ADGRL2: variants seen among roughly 807,000 people sequenced by gnomAD.
ADGRL2 encodes the protein calcium-independent alpha-latrotoxin receptor 2.
In ADGRL2, 44 loss-of-function variants were observed where a neutral mutation model predicts 157.4. The ratio of observed to expected loss-of-function variants is 0.28; its 90% CI spans 0.22 to 0.36. ADGRL2 has a LOEUF of 0.36. Ranked by LOEUF, ADGRL2 falls within the 10% of genes least tolerant of loss-of-function variation. The pLI is 1.00. For synonymous variants in ADGRL2, 585 were observed against 624.7 expected, an observed-to-expected ratio of 0.94 and a Z score of 0.95; for missense variants, 1,510 against 1,768.9, an observed-to-expected ratio of 0.85 and a Z score of 2.63.
At chr1:81,828,544 C>G (rs188469260) in intron 1 of ADGRL2, among the ~76,000 whole-genome samples, 118 of 152,202 alleles carry the variant, frequency 7.8e-4, no homozygotes, top group Admixed American at 6.0e-3. Flanking sequence ...TCTGTTACCA[C>G]ATGAAGGACT....
At chr1:81,314,987 C>G (rs1165593463) in intron 1 of ADGRL2, among the ~76,000 whole-genome samples, 1 of 152,188 alleles carries the variant, frequency 6.6e-6, no homozygotes, top group Non-Finnish European at 1.5e-5. Flanking sequence ...ACTCTTCCAA[C>G]CAACCATTTG....
chr1:81,325,099 T>C (rs770668763), intron 1 of ADGRL2, among the ~76,000 whole-genome samples: 1 of 152,184 alleles, frequency 6.6e-6, no homozygotes, highest in Non-Finnish European at 1.5e-5. Flanking sequence ...TTATATTATT[T>C]GAGTGAATAT....
At chr1:81,501,991 C>A in intron 2 of ADGRL2, 1 of 1,611,254 alleles carries the variant, frequency 6.2e-7, no homozygotes. Flanking sequence ...GTCCCTTAGC[C>A]AGAGTTCCAC....
intron 13 of ADGRL2, among the ~76,000 whole-genome samples, chr1:81,967,577 A>G (rs1439103035): frequency 6.6e-6 from 1 of 152,094 alleles, no homozygotes; most frequent in Non-Finnish European, 1.5e-5. Flanking sequence ...ATTGACTCTT[A>G]AGAGCTTGTA....
In ADGRL2 at chr1:81,502,898, G is replaced by A. The variant is rs545376765; in HGVS notation, c.-248+57809G>A. 328 of 1,613,512 alleles carry A rather than the reference G, an allele frequency of 2.0e-4. 2 individuals carry two copies. Among genetic ancestry groups the A allele is most frequent in the Middle Eastern group, 1.9e-3 (11 of 5,846 alleles). On this transcript the variant is annotated intron_variant, in intron 2 of 24. Coordinates refer to the ADGRL2 transcript ENST00000370721. ...CCCATCCTTGGGCTTGGCTCCAGCA[G>A]TGGCACCAATACCAGTAGCCCTCGA...
chr1:81,815,353 G>GCT (rs1038809237), intron 1 of ADGRL2, among the ~76,000 whole-genome samples: 4 of 151,770 alleles, frequency 2.6e-5, no homozygotes, highest in African/African-American at 4.8e-5. Context: ...AGAGCATCAT[G>GCT]CTGTGTTATC....
intron 2 of ADGRL2, among the ~76,000 whole-genome samples, chr1:81,455,778 G>A (rs917467673): frequency 6.6e-6 from 1 of 152,076 alleles, no homozygotes; most frequent in African/African-American, 2.4e-5. Flanking sequence ...AGCGCTCAGA[G>A]GAATTTGAAA....
intron 3 of ADGRL2, among the ~76,000 whole-genome samples, chr1:81,683,626 T>C (rs1021454507): frequency 6.6e-6 from 1 of 152,120 alleles, no homozygotes; most frequent in Non-Finnish European, 1.5e-5. Context: ...TGTTAATTAA[T>C]TCCTTTTATG....
At chr1:81,615,427 T>C (rs1557508017) in intron 3 of ADGRL2, among the ~76,000 whole-genome samples, 1 of 152,194 alleles carries the variant, frequency 6.6e-6, no homozygotes, top group Non-Finnish European at 1.5e-5. Context: ...TTTGGGTCTA[T>C]GCGCCACCTT....
intron 1 of ADGRL2, among the ~76,000 whole-genome samples, chr1:81,404,371 T>C (rs916537023): frequency 2.0e-5 from 3 of 152,214 alleles, no homozygotes; most frequent in Admixed American, 6.5e-5. Context: ...GTATAGCGTT[T>C]AGTATGTCCC....
At chr1:81,836,179 T>C (rs1477960622) in intron 1 of ADGRL2, among the ~76,000 whole-genome samples, 1 of 152,088 alleles carries the variant, frequency 6.6e-6, no homozygotes. Context: ...CCCTCCCTGC[T>C]GCACTTTGTA....
intron 2 of ADGRL2, among the ~76,000 whole-genome samples, chr1:81,558,187 CAA>C (rs1468164041): frequency 6.6e-6 from 1 of 152,052 alleles, no homozygotes; most frequent in Non-Finnish European, 1.5e-5. Flanking sequence ...CTAGAAATCT[CAA>C]AGAGGCATAA....
chr1:81,917,721 C>G (rs1572113244), intron 3 of ADGRL2, among the ~76,000 whole-genome samples: 1 of 152,132 alleles, frequency 6.6e-6, no homozygotes, highest in East Asian at 1.9e-4. Flanking sequence ...GAGAGTTGCT[C>G]TATTTAATTT....
intron 1 of ADGRL2, among the ~76,000 whole-genome samples, chr1:81,365,716 T>G (rs2076053424): frequency 6.6e-6 from 1 of 152,218 alleles, no homozygotes; most frequent in South Asian, 2.1e-4. Context: ...TATATTTTAC[T>G]GCCCTGATTC....
At chr1:81,403,016 C>A (rs1217213789) in intron 1 of ADGRL2, among the ~76,000 whole-genome samples, 1 of 152,192 alleles carries the variant, frequency 6.6e-6, no homozygotes, top group Non-Finnish European at 1.5e-5. Context: ...TGCAAACAAC[C>A]TTTTATTAAA....
chr1:81,805,131 T>A (rs1184475329), intron 1 of ADGRL2, among the ~76,000 whole-genome samples: 5 of 152,112 alleles, frequency 3.3e-5, no homozygotes, highest in Admixed American at 2.6e-4. Context: ...TGGTTTATTT[T>A]AAAAAATATA....
chr1:81,751,057 A>G (rs751330253), intron 1 of ADGRL2, among the ~76,000 whole-genome samples: 34 of 152,182 alleles, frequency 2.2e-4, no homozygotes, highest in Non-Finnish European at 4.0e-4. Flanking sequence ...CCTGGAATAT[A>G]TTACTGTGCT....
At chr1:81,311,493 G>A (rs1201214546) in intron 1 of ADGRL2, among the ~76,000 whole-genome samples, 3 of 152,070 alleles carry the variant, frequency 2.0e-5, no homozygotes, top group Non-Finnish European at 4.4e-5. Flanking sequence ...TATTTAATCT[G>A]TGTCCTTCAC....
chr1:81,347,545 T>A (rs555412808), intron 1 of ADGRL2, among the ~76,000 whole-genome samples: 2 of 152,278 alleles, frequency 1.3e-5, no homozygotes, highest in South Asian at 4.1e-4. Flanking sequence ...AGCAATGCAA[T>A]TGGATATTTA....
Sources: allele counts gnomAD v4.1 joint callset (sites outside exome capture counted in the v4.1 genomes callset), GRCh38; gene constraint gnomAD v4.1.1; transcripts MANE v1.5; gene names NCBI Gene and HGNC (gene_info 2026-07-23, HGNC 2026-07-21).